The following FGF12 variants were observed in gnomAD, a reference collection of about 807,000 sequenced individuals.
The protein encoded by FGF12 is fibroblast growth factor 12.
Under a neutral mutation model 23.6 loss-of-function variants are expected in FGF12, and 14 were observed. The ratio of observed to expected loss-of-function variants is 0.59; its 90% CI spans 0.39 to 0.93. The LOEUF (loss-of-function observed/expected upper bound fraction) is 0.93. FGF12 is among the 40% of genes least tolerant of loss of function. The pLI is 0.00. For missense variants in FGF12, 175 were observed against 217.8 expected (o/e 0.80, Z 1.24); for synonymous variants, 62 against 77.3 (o/e 0.80, Z 1.04).
intron 4 of FGF12, among the ~76,000 whole-genome samples, chr3:192,318,911 C>T (rs1190407848): frequency 1.3e-5 from 2 of 152,060 alleles, no homozygotes; most frequent in African/African-American, 4.8e-5. Flanking sequence ...TCAGTGGAAA[C>T]TTTACAGGCC....
intron 2 of FGF12, among the ~76,000 whole-genome samples, chr3:192,415,822 C>A (rs1721336790): frequency 1.4e-5 from 2 of 145,514 alleles, no homozygotes; most frequent in African/African-American, 2.6e-5. Context: ...AAACAGAGAG[C>A]CACAGACATC....
chr3:192,620,230 T>A (rs1418310621), intron 2 of FGF12, among the ~76,000 whole-genome samples: 1 of 126,800 alleles, frequency 7.9e-6, no homozygotes, highest in Admixed American at 8.2e-5. Flanking sequence ...ACAAGATCAA[T>A]TACACACACA....
chr3:192,366,130 G>A (rs1718974962), intron 2 of FGF12, among the ~76,000 whole-genome samples: 1 of 151,978 alleles, frequency 6.6e-6, no homozygotes, highest in Non-Finnish European at 1.5e-5. Context: ...TTTCCAAAGA[G>A]CAAAATCCTT....
chr3:192,725,360 G>T (rs530872541), intron 2 of FGF12, among the ~76,000 whole-genome samples: 2 of 150,962 alleles, frequency 1.3e-5, no homozygotes, highest in East Asian at 1.9e-4. Flanking sequence ...AAAAGTCTTC[G>T]TTGCCTTTGG....
intron 4 of FGF12, among the ~76,000 whole-genome samples, chr3:192,271,205 T>C (rs1713414051): frequency 6.6e-6 from 1 of 152,220 alleles, no homozygotes; most frequent in Non-Finnish European, 1.5e-5. Flanking sequence ...CAGAGCCTCC[T>C]TCATGTCATG....
intron 3 of FGF12, among the ~76,000 whole-genome samples, chr3:192,337,979 ATG>A (rs1717499632): frequency 1.3e-5 from 2 of 152,200 alleles, no homozygotes; most frequent in African/African-American, 4.8e-5. Flanking sequence ...TCAACCATAA[ATG>A]CTATGAAGAA....
intron 4 of FGF12, among the ~76,000 whole-genome samples, chr3:192,263,575 A>C (rs940062465): frequency 6.6e-6 from 1 of 151,980 alleles, no homozygotes; most frequent in Non-Finnish European, 1.5e-5. Flanking sequence ...TTCCTGAGCC[A>C]CACTCCAAAC....
chr3:192,449,607 C>CT (rs1369249925), intron 2 of FGF12, among the ~76,000 whole-genome samples: 1 of 152,172 alleles, frequency 6.6e-6, no homozygotes, highest in African/African-American at 2.4e-5. Flanking sequence ...TTCTCTATCC[C>CT]TTGGTTCTTG....
At chr3:192,594,535 C>G (rs1330787594) in intron 2 of FGF12, among the ~76,000 whole-genome samples, 1 of 151,830 alleles carries the variant, frequency 6.6e-6, no homozygotes, top group Admixed American at 6.6e-5. Flanking sequence ...ATATGTCCCC[C>G]AAGTTTCATG....
chr3:192,262,822 T>C (rs1468430178), intron 4 of FGF12, among the ~76,000 whole-genome samples: 2 of 151,874 alleles, frequency 1.3e-5, no homozygotes, highest in Non-Finnish European at 2.9e-5. Context: ...CTAGTTGCTT[T>C]GGATAAACCC....
chr3:192,578,470 A>G (rs1713003130), intron 2 of FGF12, among the ~76,000 whole-genome samples: 1 of 152,132 alleles, frequency 6.6e-6, no homozygotes, highest in Non-Finnish European at 1.5e-5. Flanking sequence ...CAACAACAAT[A>G]ACAACAATGC....
At position 192,492,000 on chromosome 3, in the gene FGF12, A is replaced by G. The variant is rs140961672; in HGVS notation, c.14-131462T>C. ...GATTGCTCCCATCACCATTGGGATC[A>G]AAACAGGAGTGTCATTCATCATGTA... On this transcript the variant is annotated intron_variant, in intron 2 of 5. Transcript: ENST00000445105. 3.6e-4 allele frequency among the ~76,000 whole-genome samples: 55 copies of G among 152,318 alleles called. No individual in the cohort carries two copies. The East Asian group carries it at 9.5e-3, about 26-fold the overall frequency.
intron 4 of FGF12, among the ~76,000 whole-genome samples, chr3:192,202,430 C>G (rs1343564093): frequency 6.6e-6 from 1 of 152,188 alleles, no homozygotes; most frequent in Non-Finnish European, 1.5e-5. Flanking sequence ...TGTGTTTGGT[C>G]TTAGGCACAG....
intron 2 of FGF12, among the ~76,000 whole-genome samples, chr3:192,463,774 A>C (rs1017419825): frequency 1.3e-5 from 2 of 151,994 alleles, no homozygotes; most frequent in South Asian, 4.2e-4. Context: ...TAGTCCCTTA[A>C]CTCACTTAAA....
At chr3:192,350,367 G>T (rs1718163706) in intron 3 of FGF12, among the ~76,000 whole-genome samples, 1 of 152,000 alleles carries the variant, frequency 6.6e-6, no homozygotes, top group East Asian at 1.9e-4. Flanking sequence ...AAAAAGTATG[G>T]TATATATAAG....
rs148507893 is a variant in FGF12 at position 192,726,365 on chromosome 3, G to A, written c.13+816C>T. Among the ~76,000 whole-genome samples, 8 of 152,266 alleles carry A rather than the reference G, an allele frequency of 5.3e-5. No homozygotes were observed. In the East Asian group the frequency reaches 1.5e-3, roughly 29 times the overall value. ...TCACTCAAGGCTCTCACAACCTGGT[G>A]GGCGTTTTAAGGAGAAGGAGAAACA... On this transcript the variant is annotated intron_variant, in intron 2 of 5. Coordinates refer to ENST00000445105, the MANE Select transcript of FGF12 (RefSeq NM_004113.6).
intron 2 of FGF12, among the ~76,000 whole-genome samples, chr3:192,481,920 C>T (rs1180049273): frequency 6.6e-6 from 1 of 152,070 alleles, no homozygotes; most frequent in Non-Finnish European, 1.5e-5. Context: ...TAAACTGAAC[C>T]TTAAAGACTG....
At chr3:192,617,892 C>G (rs1714822102) in intron 2 of FGF12, among the ~76,000 whole-genome samples, 1 of 152,046 alleles carries the variant, frequency 6.6e-6, no homozygotes, top group Admixed American at 6.6e-5. Context: ...ACACACAATC[C>G]AGACATACCC....
At chr3:192,257,834 G>A (rs572768106) in intron 4 of FGF12, among the ~76,000 whole-genome samples, 11 of 152,154 alleles carry the variant, frequency 7.2e-5, no homozygotes, top group Admixed American at 2.6e-4. Flanking sequence ...AGATTAGGGT[G>A]AGCAAATTCT....
Sources: gnomAD v4.1 joint callset for allele counts (sites outside exome capture counted in the v4.1 genomes callset) on GRCh38, gnomAD v4.1.1 for gene constraint, MANE v1.5 for transcripts, NCBI Gene and HGNC (gene_info 2026-07-23, HGNC 2026-07-21) for gene names.